Variants in DIAPH2 observed in about 807,000 individuals in gnomAD.
DIAPH2 encodes the protein protein diaphanous homolog 2.
DIAPH2 carries 35 observed loss-of-function variants against 92.7 expected under a neutral mutation model. That is an observed-to-expected ratio of 0.38 (90% confidence interval 0.29 to 0.50). The LOEUF is 0.50. Ranked by LOEUF, DIAPH2 falls within the 20% of genes least tolerant of loss-of-function variation. The pLI is 0.94. For synonymous variants in DIAPH2, 301 were observed against 280.4 expected, an observed-to-expected ratio of 1.07 and a Z score of -0.73; for missense variants, 701 against 819.5, an observed-to-expected ratio of 0.86 and a Z score of 1.77.
intron 17 of DIAPH2, among the ~76,000 whole-genome samples, chrX:96,987,181 A>G (rs1165880555): frequency 9.0e-6 from 1 of 111,448 alleles, no homozygotes; most frequent in African/African-American, 3.2e-5. Flanking sequence ...CAAATCTTAT[A>G]TCAATTGATG....
intron 17 of DIAPH2, among the ~76,000 whole-genome samples, chrX:96,970,456 C>T (rs1477035361): frequency 3.6e-5 from 4 of 110,596 alleles, no homozygotes; most frequent in African/African-American, 6.6e-5. Flanking sequence ...AGCTTCTTCC[C>T]GATTCAATCT....
At chrX:97,417,619 G>A (rs1056262921) in intron 25 of DIAPH2, among the ~76,000 whole-genome samples, 1 of 111,451 alleles carries the variant, frequency 9.0e-6, no homozygotes, top group Non-Finnish European at 1.9e-5. Context: ...AGGCCACAGT[G>A]AGCAGAGATC....
intron 17 of DIAPH2, among the ~76,000 whole-genome samples, chrX:97,019,732 T>A (rs1037969092): frequency 1.9e-5 from 2 of 108,046 alleles, no homozygotes; most frequent in Non-Finnish European, 3.9e-5. Flanking sequence ...TCTGAATATG[T>A]AATAGGCATT....
At chrX:97,364,659 T>C (rs776436701) in intron 24 of DIAPH2, among the ~76,000 whole-genome samples, 2 of 111,186 alleles carry the variant, frequency 1.8e-5, no homozygotes, top group African/African-American at 6.5e-5. Flanking sequence ...CTACTCTACC[T>C]TATGGTATGG....
At chrX:97,313,537 A>T (rs1452714555) in intron 23 of DIAPH2, among the ~76,000 whole-genome samples, 1 of 112,142 alleles carries the variant, frequency 8.9e-6, no homozygotes, top group Non-Finnish European at 1.9e-5. Flanking sequence ...ATCAGTTAAG[A>T]TTCAGCTAGA....
chrX:96,765,337 A>G (rs1388228533), intron 4 of DIAPH2, among the ~76,000 whole-genome samples: 4 of 108,382 alleles, frequency 3.7e-5, no homozygotes, highest in South Asian at 4.1e-4. Flanking sequence ...AGCTGGGACT[A>G]CAGGTGTGCA....
intron 23 of DIAPH2, among the ~76,000 whole-genome samples, chrX:97,276,393 A>G (rs1009832768): frequency 2.7e-5 from 3 of 111,813 alleles, no homozygotes; most frequent in Non-Finnish European, 3.8e-5. Context: ...ATTTGTAAAC[A>G]AAGTCAGGAC....
chrX:96,734,571 T>C (rs1324864351), intron 1 of DIAPH2, among the ~76,000 whole-genome samples: 2 of 111,742 alleles, frequency 1.8e-5, no homozygotes, highest in Non-Finnish European at 3.8e-5. Flanking sequence ...AATTCCCACT[T>C]TTTTCCTAGG....
chrX:97,184,726 A>G (rs1460660259), intron 22 of DIAPH2, among the ~76,000 whole-genome samples: 1 of 111,878 alleles, frequency 8.9e-6, no homozygotes, highest in Non-Finnish European at 1.9e-5. Flanking sequence ...TATTTCCACA[A>G]CATGCAAACT....
At chrX:96,980,998 CAA>C (rs1204120424) in intron 17 of DIAPH2, among the ~76,000 whole-genome samples, 9 of 45,512 alleles carry the variant, frequency 2.0e-4, no homozygotes, top group African/African-American at 1.9e-4. Flanking sequence ...CCATCTCTAC[CAA>C]AAAAAAAAAA....
chrX:97,399,450 A>G (rs1268863535), intron 25 of DIAPH2, among the ~76,000 whole-genome samples: 1 of 112,065 alleles, frequency 8.9e-6, no homozygotes, highest in Non-Finnish European at 1.9e-5. Flanking sequence ...TCTGAAACTA[A>G]TTTCTTATTT....
chrX:96,985,921 G>T (rs751645169), intron 17 of DIAPH2, among the ~76,000 whole-genome samples: 2 of 110,802 alleles, frequency 1.8e-5, no homozygotes. Context: ...GTTAGCAGGG[G>T]CAGGCATGAC....
chrX:97,211,624 C>T (rs193202220), intron 22 of DIAPH2, among the ~76,000 whole-genome samples: 232 of 111,736 alleles, frequency 2.1e-3, no homozygotes, highest in African/African-American at 7.2e-3. Flanking sequence ...CTCATGGCTC[C>T]TGCATCCTGC....
intron 1 of DIAPH2, among the ~76,000 whole-genome samples, chrX:96,712,587 A>G (rs753739011): frequency 6.3e-5 from 7 of 111,012 alleles, no homozygotes; most frequent in Non-Finnish European, 1.1e-4. Flanking sequence ...GATATTATCT[A>G]TTGCCTGCCT....
intron 17 of DIAPH2, among the ~76,000 whole-genome samples, chrX:96,997,422 A>C (rs1437509538): frequency 9.0e-6 from 1 of 111,447 alleles, no homozygotes. Context: ...TATGTACAGC[A>C]TCATTCCCCC....
intron 15 of DIAPH2, among the ~76,000 whole-genome samples, chrX:96,957,272 C>T (rs1351083369): frequency 3.6e-5 from 4 of 112,354 alleles, no homozygotes; most frequent in Non-Finnish European, 7.5e-5. Flanking sequence ...TCACCTGCCT[C>T]GGTCTCCCAA....
chrX:96,686,819 G>T (rs1409239317), intron 1 of DIAPH2, among the ~76,000 whole-genome samples: 1 of 111,801 alleles, frequency 8.9e-6, no homozygotes, highest in African/African-American at 3.2e-5. Context: ...ATTCATCTGG[G>T]ATTCTTAGAA....
intron 11 of DIAPH2, among the ~76,000 whole-genome samples, chrX:96,938,597 TTTATC>T (rs1464650727): frequency 9.0e-6 from 1 of 111,524 alleles, no homozygotes. Context: ...CATCTTGTCT[TTTATC>T]TTTATTTTAC....
At chrX:96,986,981 G>T (rs183106171) in intron 17 of DIAPH2, among the ~76,000 whole-genome samples, 32 of 111,424 alleles carry the variant, frequency 2.9e-4, no homozygotes, top group African/African-American at 9.7e-4. Context: ...GATTTTTTGA[G>T]ACCAAATTTT....
Sources: allele counts gnomAD v4.1 joint callset (sites outside exome capture counted in the v4.1 genomes callset), GRCh38; gene constraint gnomAD v4.1.1; transcripts MANE v1.5; gene names NCBI Gene and HGNC (gene_info 2026-07-23, HGNC 2026-07-21).